Variants in ZNF148 observed in about 807,000 individuals in gnomAD.
ZNF148 encodes the protein Beta-Enolase Repressor Factor-1.
A neutral mutation model predicts 67.7 loss-of-function variants in ZNF148; 7 were observed. The observed-to-expected ratio is 0.10, with a 90% CI of 0.06 to 0.19. The LOEUF is 0.19. Ranked by LOEUF, ZNF148 falls within the 10% of genes least tolerant of loss-of-function variation. The pLI, the probability that ZNF148 is intolerant of heterozygous loss-of-function variation, is 1.00. For missense variants in ZNF148, 583 were observed against 947.1 expected, an observed-to-expected ratio of 0.62 and a Z score of 5.05; for synonymous variants, 333 against 330.7, an observed-to-expected ratio of 1.01 and a Z score of -0.08.
intron 2 of ZNF148, among the ~76,000 whole-genome samples, chr3:125,323,774 C>A (rs767241834): frequency 1.3e-5 from 2 of 152,014 alleles, no homozygotes; most frequent in Non-Finnish European, 2.9e-5. Flanking sequence ...TCCTGGCTAA[C>A]ATGATGAAAC....
chr3:125,266,616 A>C (rs546670316), intron 7 of ZNF148, among the ~76,000 whole-genome samples: 2 of 152,318 alleles, frequency 1.3e-5, no homozygotes, highest in Admixed American at 1.3e-4. Flanking sequence ...CCACATCAAG[A>C]GGACAGAAAG....
At chr3:125,334,555 A>G (rs1941414467) in intron 1 of ZNF148, among the ~76,000 whole-genome samples, 2 of 152,202 alleles carry the variant, frequency 1.3e-5, no homozygotes, top group South Asian at 4.1e-4. Flanking sequence ...AGCAATGAAT[A>G]TATGCTTTGG....
At chr3:125,238,842 C>G (rs1936215080) in intron 7 of ZNF148, among the ~76,000 whole-genome samples, 1 of 152,084 alleles carries the variant, frequency 6.6e-6, no homozygotes, top group South Asian at 2.1e-4. Flanking sequence ...TCAAAATAGA[C>G]AAAAGGCAGA....
chr3:125,232,188 T>G lies in ZNF148; in HGVS notation c.*153A>C. 2 of 914,576 alleles carry G rather than the reference T, an allele frequency of 2.2e-6. No individual in the cohort carries two copies. The highest frequency in any genetic ancestry group is 1.6e-6 in the Non-Finnish European group (1 of 644,212). 56.7% of individuals were successfully genotyped at this position (914,576 alleles called of 1,614,324 possible). On this transcript the variant is annotated 3_prime_UTR_variant, in exon 9 of 9. Transcript: ENST00000360647. The surrounding 1 kb of genome is among the most constrained non-coding windows in gnomAD (Gnocchi z 4.2). ...AAGAATGCTGACTAACCAAACGAAA[T>G]GCAGTTATTGGATTATCTTGCTATT...
chr3:125,277,912 A>T, intron 6 of ZNF148, 103 bp from the exon 7 acceptor site: 1 of 790,586 alleles, frequency 1.3e-6, no homozygotes, highest in Non-Finnish European at 1.9e-6. Context: ...AATTTTGGAA[A>T]ATTACAAAAT....
chr3:125,262,265 T>C (rs952110867), intron 7 of ZNF148, among the ~76,000 whole-genome samples: 2 of 152,250 alleles, frequency 1.3e-5, no homozygotes, highest in African/African-American at 4.8e-5. Context: ...CCTTTTATCA[T>C]GTATTACACT....
chr3:125,364,253 G>C (rs1375674503), intron 1 of ZNF148, among the ~76,000 whole-genome samples: 2 of 152,108 alleles, frequency 1.3e-5, no homozygotes, highest in African/African-American at 4.8e-5. Context: ...GCAAAAATTA[G>C]CTGGGCGTGG....
At position 125,326,706 on chromosome 3, in the gene ZNF148, A is replaced by G. The variant is rs146586131; in HGVS notation, c.-152-3262T>C. Reference sequence around the variant, plus strand: ...ATATACTTGCTTTATATATGTATATATATCTTTTTATATATGTATATAAAT... The same window carrying G: ...ATATACTTGCTTTATATATGTATATGTATCTTTTTATATATGTATATAAAT... On this transcript the variant is annotated intron_variant, in intron 2 of 8. Coordinates refer to ENST00000360647, the MANE Select transcript of ZNF148 (RefSeq NM_021964.3). Among the ~76,000 whole-genome samples the G allele has an allele frequency of 4.1e-5, 6 of 147,728 alleles. No homozygotes were observed. In the East Asian group the frequency reaches 1.2e-3, roughly 29 times the overall value.
intron 3 of ZNF148, among the ~76,000 whole-genome samples, chr3:125,313,984 A>C (rs1284369976): frequency 1.3e-5 from 2 of 152,128 alleles, no homozygotes; most frequent in Admixed American, 1.3e-4. Flanking sequence ...TAATATATTG[A>C]AATGTGTTAA....
In ZNF148 at chr3:125,279,265, A is replaced by AAAG; in HGVS notation, c.460-19_460-18insCTT. 3 of 1,511,324 alleles carry AAAG rather than the reference A, an allele frequency of 2.0e-6. No homozygotes were observed. The highest frequency in any genetic ancestry group is 1.8e-6 in the Non-Finnish European group (2 of 1,129,910). The allele number at this position is 1,511,324 out of a possible 1,614,324, so 93.6% of individuals were successfully genotyped here. ...GTAAGGATCTAGTTCAAAAAAAAAAAGGCAAAAACAAAAGAAATAAGTTTT... is the reference window on the plus strand; with the variant it reads ...GTAAGGATCTAGTTCAAAAAAAAAAAAAGGGCAAAAACAAAAGAAATAAGTTTT... On this transcript the variant is annotated intron_variant, in intron 5 of 8. Coordinates refer to ENST00000360647, the MANE Select transcript of ZNF148 (RefSeq NM_021964.3).
chr3:125,301,089 T>C (rs756639685), intron 4 of ZNF148, among the ~76,000 whole-genome samples: 9 of 152,230 alleles, frequency 5.9e-5, no homozygotes, highest in Non-Finnish European at 1.0e-4. Flanking sequence ...ATTAGCTACA[T>C]GTGACTACTG....
intron 7 of ZNF148, among the ~76,000 whole-genome samples, chr3:125,252,213 T>C (rs532195566): frequency 6.6e-6 from 1 of 152,302 alleles, no homozygotes; most frequent in East Asian, 1.9e-4. Context: ...GTGTCTTTAA[T>C]GAACAAAAGG....
At chr3:125,366,180 T>A (rs148688055) in intron 1 of ZNF148, among the ~76,000 whole-genome samples, 1 of 152,152 alleles carries the variant, frequency 6.6e-6, no homozygotes, top group African/African-American at 2.4e-5. Flanking sequence ...AATTCTCACA[T>A]CCTCACCATA....
At chr3:125,357,051 CG>C (rs1559780223) in intron 1 of ZNF148, 1 of 152,222 alleles carries the variant, frequency 6.6e-6, no homozygotes, top group Admixed American at 6.5e-5. Flanking sequence ...AGAAGAAAAA[CG>C]GGTGTCCATC....
intron 1 of ZNF148, among the ~76,000 whole-genome samples, chr3:125,370,901 C>A (rs910574420): frequency 2.6e-5 from 4 of 152,108 alleles, no homozygotes; most frequent in African/African-American, 9.7e-5. Flanking sequence ...CCTCAAAATT[C>A]TTTACCTTTT....
Position 125,233,457 on chromosome 3 carries a change from T to C in ZNF148, c.1269A>G (p.Ser423=). The C allele has an allele frequency of 6.2e-7, 1 of 1,613,944 alleles. No individual in the cohort carries two copies. Among genetic ancestry groups the C allele is most frequent in the South Asian group, 1.1e-5 (1 of 91,078 alleles). The part of the protein sequence containing the change: ...PLSTYEESKV[S]KYAFELVDKQ... ...TATCCACAAGTTCAAAAGCATACTT[T>C]GAAACTTTGCTCTCTTCATATGTGG... The change falls in exon 9 of 9, where the codon TCA becomes TCG. Residue 423 remains serine (S), a synonymous_variant. Transcript: ENST00000360647. The surrounding 1 kb of genome is among the most constrained non-coding windows in gnomAD (Gnocchi z 5.1).
At chr3:125,364,250 T>C (rs940935416) in intron 1 of ZNF148, among the ~76,000 whole-genome samples, 1 of 152,010 alleles carries the variant, frequency 6.6e-6, no homozygotes, top group Admixed American at 6.6e-5. Context: ...AATGCAAAAA[T>C]TAGCTGGGCG....
chr3:125,333,361 T>C (rs1941366313), intron 1 of ZNF148, among the ~76,000 whole-genome samples: 1 of 152,138 alleles, frequency 6.6e-6, no homozygotes, highest in Non-Finnish European at 1.5e-5. Context: ...AAACAGAAAT[T>C]CTGGAATGTC....
chr3:125,328,278 C>T (rs1217557951), intron 2 of ZNF148, among the ~76,000 whole-genome samples: 3 of 152,056 alleles, frequency 2.0e-5, no homozygotes, highest in Non-Finnish European at 4.4e-5. Flanking sequence ...TTCTTCACTG[C>T]CCACCTCAGC....
Sources: gnomAD v4.1 joint callset for allele counts (sites outside exome capture counted in the v4.1 genomes callset) on GRCh38, gnomAD v4.1.1 for gene constraint, Gnocchi (gnomAD v3.1) non-coding constraint, MANE v1.5 for transcripts, NCBI Gene and HGNC (gene_info 2026-07-23, HGNC 2026-07-21) for gene names.